ITGB6: variants seen among roughly 807,000 people sequenced by gnomAD.
ITGB6 encodes integrin subunit beta 6.
ITGB6 carries 80 observed loss-of-function variants against 84.5 expected under a neutral mutation model. That is an observed-to-expected ratio of 0.95 (90% CI 0.79 to 1.14). The LOEUF (loss-of-function observed/expected upper bound fraction) is 1.14. ITGB6 is among the 50% of genes most tolerant of loss of function. The pLI is 0.00. For missense variants in ITGB6, 1,006 were observed against 968.0 expected (o/e 1.04, Z -0.52); for synonymous variants, 383 against 354.9 (o/e 1.08, Z -0.89).
At position 160,119,019 on chromosome 2, in the gene ITGB6, T is replaced by C. The variant is rs1400814109; in HGVS notation, c.1981+4772A>G. 2.6e-5 allele frequency among the ~76,000 whole-genome samples: 4 copies of C among 152,088 alleles called. No homozygotes were observed. In the East Asian group the frequency reaches 7.8e-4, roughly 29 times the overall value. On this transcript the variant is annotated intron_variant, in intron 12 of 14. Transcript: ENST00000283249. ...CACTGCTCAATGAAATAAAAGAGGATACAAACAAATGGAAGAACATTCCAT... is the reference window on the plus strand; with the variant it reads ...CACTGCTCAATGAAATAAAAGAGGACACAAACAAATGGAAGAACATTCCAT...
intron 4 of ITGB6, among the ~76,000 whole-genome samples, chr2:160,181,449 CTG>C (rs1246693582): frequency 6.6e-6 from 1 of 152,204 alleles, no homozygotes; most frequent in Non-Finnish European, 1.5e-5. Flanking sequence ...TTCCTCCTCT[CTG>C]GGCAGGAAAT....
At chr2:160,179,538 G>T (rs1460182749) in intron 4 of ITGB6, among the ~76,000 whole-genome samples, 1 of 150,180 alleles carries the variant, frequency 6.7e-6, no homozygotes, top group Non-Finnish European at 1.5e-5. Context: ...GCACCACCAC[G>T]TCCAGCTAAT....
At chr2:160,141,905 T>G in intron 8 of ITGB6, 77 bp downstream of exon 8, 1 of 906,764 alleles carries the variant, frequency 1.1e-6, no homozygotes, top group Non-Finnish European at 1.7e-6. Context: ...GTAACTAACA[T>G]TTAACTGCCT....
Position 160,101,597 on chromosome 2 carries a change from T to C in ITGB6, c.*139A>G. 7.6e-6 allele frequency: 5 copies of C among 656,942 alleles called. No homozygotes were observed. The South Asian group carries it at 8.6e-5, about 11-fold the overall frequency. 40.7% of individuals were successfully genotyped at this position (656,942 alleles called of 1,614,324 possible). A position where few individuals can be genotyped will look rare whatever the true frequency, so the allele number is the denominator to read the frequency against. On this transcript the variant is annotated 3_prime_UTR_variant, in exon 15 of 15. Coordinates refer to ENST00000283249, the MANE Select transcript of ITGB6 (RefSeq NM_000888.5). ...AACTGCCAACAGTCTGTCACCTTCA[T>C]GTAGAGGATGACTTATCTGCAGATG...
At chr2:160,104,869 A>T (rs938515433) in intron 14 of ITGB6, among the ~76,000 whole-genome samples, 1 of 152,188 alleles carries the variant, frequency 6.6e-6, no homozygotes, top group African/African-American at 2.4e-5. Context: ...ATGTTTTAGG[A>T]GGTAGGAGTG....
chr2:160,182,749 T>G (rs1425558424), intron 4 of ITGB6, among the ~76,000 whole-genome samples: 2 of 152,166 alleles, frequency 1.3e-5, no homozygotes, highest in African/African-American at 4.8e-5. Context: ...AGAGAAAGGT[T>G]GGGTTACCCA....
At chr2:160,180,297 G>A (rs915763403) in intron 4 of ITGB6, among the ~76,000 whole-genome samples, 5 of 152,092 alleles carry the variant, frequency 3.3e-5, no homozygotes, top group Non-Finnish European at 5.9e-5. Context: ...ATAAAGATTA[G>A]ATTAAAGAGG....
chr2:160,179,864 G>C (rs1231198872), intron 4 of ITGB6, among the ~76,000 whole-genome samples: 1 of 148,592 alleles, frequency 6.7e-6, no homozygotes. Flanking sequence ...TTGGGAGGCA[G>C]AGACAGGTGG....
chr2:160,198,270 G>A (rs897698583), intron 2 of ITGB6, among the ~76,000 whole-genome samples: 22 of 152,264 alleles, frequency 1.4e-4, no homozygotes, highest in Non-Finnish European at 4.4e-5. Flanking sequence ...ACTGAGCTGT[G>A]TCTGTGCTCT....
intron 4 of ITGB6, among the ~76,000 whole-genome samples, chr2:160,188,545 T>C (rs758993282): frequency 5.3e-5 from 8 of 152,178 alleles, no homozygotes; most frequent in Non-Finnish European, 1.2e-4. Context: ...CTCTTATTTA[T>C]TGAGAACATA....
rs181520382 is a variant in ITGB6 at position 160,152,438 on chromosome 2, G to C, written c.1018-10367C>G. Among the ~76,000 whole-genome samples, 14 of 152,228 alleles carry C rather than the reference G, an allele frequency of 9.2e-5. No individual in the cohort carries two copies. The East Asian group carries it at 2.7e-3, about 29-fold the overall frequency. On this transcript the variant is annotated intron_variant, in intron 7 of 14. Coordinates refer to ENST00000283249, the MANE Select transcript of ITGB6 (RefSeq NM_000888.5). Reference sequence around the variant, plus strand: ...ACTCTCAATAAACTAGGTATTGATGGAACGTATCTCAAAATAATAAGAGCT... The same window carrying C: ...ACTCTCAATAAACTAGGTATTGATGCAACGTATCTCAAAATAATAAGAGCT...
Position 160,194,863 on chromosome 2 carries a change from G to C in ITGB6, c.593+506C>G, listed in dbSNP as rs557312797. Among the ~76,000 whole-genome samples, 7 of 152,306 alleles carry C rather than the reference G, an allele frequency of 4.6e-5. No homozygotes were observed. In the East Asian group the frequency reaches 1.2e-3, roughly 25 times the overall value. On this transcript the variant is annotated intron_variant, in intron 4 of 14. Transcript: ENST00000283249. ...ACTACTGAATTTAACAGCAGTGAAG[G>C]CTGCATTGGCCTTCTCCAAGCAATA... is the stretch of plus-strand genomic sequence containing the variant.
At chr2:160,179,505 C>T (rs377393310) in intron 4 of ITGB6, among the ~76,000 whole-genome samples, 1 of 150,794 alleles carries the variant, frequency 6.6e-6, no homozygotes, top group East Asian at 1.9e-4. Context: ...CTCAGCCTCC[C>T]GAGTAGCTGA....
chr2:160,108,883 A>G (rs1305666136), intron 13 of ITGB6, among the ~76,000 whole-genome samples: 2 of 152,236 alleles, frequency 1.3e-5, no homozygotes, highest in Non-Finnish European at 2.9e-5. Context: ...CAATATGCCT[A>G]GGAGATGATA....
chr2:160,134,264 AT>A (rs1329412927), intron 10 of ITGB6, among the ~76,000 whole-genome samples: 1 of 152,252 alleles, frequency 6.6e-6, no homozygotes, highest in Non-Finnish European at 1.5e-5. Flanking sequence ...CCATCAGAGA[AT>A]ACTATAAACA....
intron 10 of ITGB6, among the ~76,000 whole-genome samples, chr2:160,132,019 T>A (rs915634123): frequency 2.0e-5 from 3 of 152,178 alleles, no homozygotes; most frequent in Admixed American, 6.5e-5. Flanking sequence ...AGTATCTCTA[T>A]TATATTTTGT....
chr2:160,187,412 A>G (rs983947471), intron 4 of ITGB6, among the ~76,000 whole-genome samples: 19 of 152,324 alleles, frequency 1.2e-4, no homozygotes, highest in African/African-American at 4.6e-4. Flanking sequence ...CCTGTTATCT[A>G]GTTTTACCTG....
chr2:160,196,709 CTG>C (rs1221376723), intron 2 of ITGB6, among the ~76,000 whole-genome samples: 1 of 151,880 alleles, frequency 6.6e-6, no homozygotes, highest in East Asian at 1.9e-4. Flanking sequence ...GTGTGTGTGT[CTG>C]TGTCTTAAGC....
chr2:160,129,187 T>C (rs558353351), intron 10 of ITGB6, among the ~76,000 whole-genome samples: 8 of 152,046 alleles, frequency 5.3e-5, no homozygotes, highest in Non-Finnish European at 1.0e-4. Context: ...GCCCATCTAA[T>C]CCTAAAGAGC....
Sources: allele counts gnomAD v4.1 joint callset (sites outside exome capture counted in the v4.1 genomes callset), GRCh38; gene constraint gnomAD v4.1.1; transcripts MANE v1.5; gene names NCBI Gene and HGNC (gene_info 2026-07-23, HGNC 2026-07-21).